Variants in SORCS2 observed in about 807,000 individuals in gnomAD.
SORCS2 encodes the protein sortilin related VPS10 domain containing receptor 2, also known as VPS10 domain-containing receptor SorCS2.
In SORCS2, 100 loss-of-function variants were observed where a neutral mutation model predicts 141.6. That is an observed-to-expected ratio of 0.71 (90% CI 0.60 to 0.83). The LOEUF (loss-of-function observed/expected upper bound fraction) is 0.83, where lower values mean the gene tolerates loss of function less well. Among genes scored for constraint, SORCS2 ranks in the 40% least tolerant of loss-of-function variants. The pLI, the probability that SORCS2 is intolerant of heterozygous loss-of-function variation, is 0.00. For missense variants in SORCS2, 1,646 were observed against 1,560.2 expected (o/e 1.05, Z -0.93); for synonymous variants, 789 against 676.9 (o/e 1.17, Z -2.57).
intron 2 of SORCS2, among the ~76,000 whole-genome samples, chr4:7,449,763 T>A (rs1027531753): frequency 6.6e-6 from 1 of 152,040 alleles, no homozygotes; most frequent in African/African-American, 2.4e-5. Flanking sequence ...ATCTTTGGCC[T>A]CGGAAATCGC....
intron 2 of SORCS2, among the ~76,000 whole-genome samples, chr4:7,520,019 C>T (rs1733224642): frequency 6.6e-6 from 1 of 152,162 alleles, no homozygotes; most frequent in Admixed American, 6.5e-5. Context: ...CAGTGCTGGC[C>T]CCTGAGGAGG....
chr4:7,266,001 G>A (rs1369219851), intron 1 of SORCS2, among the ~76,000 whole-genome samples: 2 of 152,142 alleles, frequency 1.3e-5, no homozygotes, highest in Admixed American at 6.5e-5. Context: ...CTTCCTCCGT[G>A]TCATCCTACC....
At chr4:7,482,565 A>T (rs1185081865) in intron 2 of SORCS2, among the ~76,000 whole-genome samples, 2 of 81,282 alleles carry the variant, frequency 2.5e-5, no homozygotes, top group Admixed American at 1.2e-4. Context: ...CGCTGTTCAG[A>T]CCTGTATCCC....
chr4:7,549,957 C>G (rs1421235950), intron 3 of SORCS2, among the ~76,000 whole-genome samples: 1 of 152,186 alleles, frequency 6.6e-6, no homozygotes. Flanking sequence ...GAGATGAGTT[C>G]TCATATTTGC....
intron 2 of SORCS2, among the ~76,000 whole-genome samples, chr4:7,416,653 C>T (rs1361556660): frequency 6.7e-6 from 1 of 148,712 alleles, no homozygotes; most frequent in Non-Finnish European, 1.5e-5. Context: ...CACACACATG[C>T]ATGCATGCAC....
At chr4:7,527,826 G>A (rs376239193) in intron 2 of SORCS2, among the ~76,000 whole-genome samples, 1 of 152,238 alleles carries the variant, frequency 6.6e-6, no homozygotes, top group East Asian at 1.9e-4. Flanking sequence ...ATGTAGGGGT[G>A]GAATTTAAAA....
Position 7,470,100 on chromosome 4 carries a change from AG to A in SORCS2, c.549-61425del, listed in dbSNP as rs1284505728. ...TGAGCATTTTCTAATAAATGAGGAA[AG>A]GGGGCCCAGATTGTTTCATTGAACT... On this transcript the variant is annotated intron_variant, in intron 2 of 26. Coordinates refer to ENST00000507866, the MANE Select transcript of SORCS2 (RefSeq NM_020777.3). Among the ~76,000 whole-genome samples the A allele has an allele frequency of 3.9e-5, 6 of 152,310 alleles. No individual in the cohort carries two copies. The East Asian group carries it at 1.2e-3, about 29-fold the overall frequency.
At chr4:7,237,965 CAGG>C (rs1560131958) in intron 1 of SORCS2, among the ~76,000 whole-genome samples, 1 of 152,080 alleles carries the variant, frequency 6.6e-6, no homozygotes, top group Non-Finnish European at 1.5e-5. Context: ...CCAGAGTGCT[CAGG>C]AGTTCTTGGG....
chr4:7,567,413 G>A (rs1161728167), intron 3 of SORCS2, among the ~76,000 whole-genome samples: 3 of 151,968 alleles, frequency 2.0e-5, no homozygotes, highest in Non-Finnish European at 4.4e-5. Flanking sequence ...TGATAACTTT[G>A]ACATTTTTGA....
At chr4:7,645,593 ACTGT>A (rs1721021070) in intron 4 of SORCS2, among the ~76,000 whole-genome samples, 1 of 152,162 alleles carries the variant, frequency 6.6e-6, no homozygotes, top group Admixed American at 6.5e-5. Flanking sequence ...GCTCTCTCAC[ACTGT>A]CTGTCAGGCC....
intron 2 of SORCS2, among the ~76,000 whole-genome samples, chr4:7,466,823 C>T (rs1729647132): frequency 6.6e-6 from 1 of 152,178 alleles, no homozygotes. Flanking sequence ...GAGGCATAGG[C>T]ACTTGGGAGG....
intron 1 of SORCS2, among the ~76,000 whole-genome samples, chr4:7,338,599 C>G (rs113181209): frequency 3.9e-5 from 6 of 152,182 alleles, no homozygotes; most frequent in Non-Finnish European, 8.8e-5. Context: ...TTCTGGGACT[C>G]TTGATACAGT....
intron 1 of SORCS2, chr4:7,310,366 G>A (rs1718108113): frequency 1.3e-5 from 2 of 154,312 alleles, no homozygotes; most frequent in Middle Eastern, 5.1e-4. Context: ...CAGGGCCAGA[G>A]GTGTGTGTTC....
chr4:7,415,273 C>G (rs892268440), intron 2 of SORCS2, among the ~76,000 whole-genome samples: 2 of 152,216 alleles, frequency 1.3e-5, no homozygotes, highest in African/African-American at 4.8e-5. Flanking sequence ...CCAGGTCCTA[C>G]TGGGCTCCAG....
intron 1 of SORCS2, among the ~76,000 whole-genome samples, chr4:7,374,932 A>G (rs1722543492): frequency 6.6e-6 from 1 of 152,126 alleles, no homozygotes; most frequent in South Asian, 2.1e-4. Flanking sequence ...TCACCTTTAC[A>G]GTGGACACTT....
chr4:7,424,442 G>A (rs1473354984), intron 2 of SORCS2, among the ~76,000 whole-genome samples: 1 of 152,240 alleles, frequency 6.6e-6, no homozygotes, highest in Non-Finnish European at 1.5e-5. Flanking sequence ...TCCACCCAGT[G>A]TGAACGCTGT....
intron 2 of SORCS2, among the ~76,000 whole-genome samples, chr4:7,425,123 C>G (rs1046804743): frequency 6.6e-6 from 1 of 152,206 alleles, no homozygotes; most frequent in African/African-American, 2.4e-5. Flanking sequence ...CAGCCTCTCA[C>G]GACCCAGAGC....
At chr4:7,285,671 A>C (rs764891669) in intron 1 of SORCS2, among the ~76,000 whole-genome samples, 4 of 152,190 alleles carry the variant, frequency 2.6e-5, no homozygotes, top group Non-Finnish European at 4.4e-5. Context: ...CTATGCTCCC[A>C]GGAGGATTTT....
Position 7,208,401 on chromosome 4 carries a change from C to T in SORCS2, c.480+15275C>T, listed in dbSNP as rs139084122. ...GGATTACTGGCAGGCAGGGGATTGG[C>T]GGGGAGGGAGGCAGGGCTGGTCTTC... On this transcript the variant is annotated intron_variant, in intron 1 of 26. Coordinates refer to ENST00000507866, the MANE Select transcript of SORCS2 (RefSeq NM_020777.3). 9.1e-3 allele frequency among the ~76,000 whole-genome samples: 1,391 copies of T among 152,234 alleles called. 13 individuals carry two copies. Among genetic ancestry groups the T allele is most frequent in the Middle Eastern group, 0.014 (4 of 292 alleles).
Sources: gnomAD v4.1 joint callset for allele counts (sites outside exome capture counted in the v4.1 genomes callset) on GRCh38, gnomAD v4.1.1 for gene constraint, MANE v1.5 for transcripts, NCBI Gene and HGNC (gene_info 2026-07-23, HGNC 2026-07-21) for gene names.